CAMKMT: variants seen among roughly 807,000 people sequenced by gnomAD.
The protein encoded by CAMKMT is calmodulin-lysine N-methyltransferase, also known as CaM KMT.
Under a neutral mutation model 48.0 loss-of-function variants are expected in CAMKMT, and 53 were observed. The ratio of observed to expected loss-of-function variants is 1.10; its 90% CI spans 0.89 to 1.39. The LOEUF (loss-of-function observed/expected upper bound fraction) is 1.39, where lower values mean the gene tolerates loss of function less well. Among genes scored for constraint, CAMKMT ranks in the 40% most tolerant of loss-of-function variants. The pLI, the probability that CAMKMT is intolerant of heterozygous loss-of-function variation, is 0.00. For missense variants in CAMKMT, 428 were observed against 402.7 expected (o/e 1.06, Z -0.54); for synonymous variants, 165 against 152.3 (o/e 1.08, Z -0.61).
At chr2:44,513,483 G>A (rs188038130) in intron 3 of CAMKMT, among the ~76,000 whole-genome samples, 1 of 152,210 alleles carries the variant, frequency 6.6e-6, no homozygotes, top group Admixed American at 6.5e-5. Context: ...ACTTGTTTTT[G>A]AATTTTTATT....
intron 7 of CAMKMT, among the ~76,000 whole-genome samples, chr2:44,721,927 A>G (rs942793952): frequency 6.6e-5 from 10 of 152,212 alleles, no homozygotes; most frequent in Non-Finnish European, 1.2e-4. Context: ...TTCCAGGGCT[A>G]GGCAACCACT....
intron 3 of CAMKMT, among the ~76,000 whole-genome samples, chr2:44,583,986 C>A (rs932133966): frequency 6.6e-6 from 1 of 152,100 alleles, no homozygotes; most frequent in Non-Finnish European, 1.5e-5. Flanking sequence ...CCACACATCC[C>A]CTCATTCAAC....
intron 3 of CAMKMT, among the ~76,000 whole-genome samples, chr2:44,679,609 C>G (rs1675905089): frequency 6.6e-6 from 1 of 152,204 alleles, no homozygotes; most frequent in African/African-American, 2.4e-5. Context: ...TGCGCCATGT[C>G]AGAAAACTAA....
chr2:44,372,856 C>T lies in CAMKMT; in HGVS notation c.279C>T (p.Ser93=). The change falls in exon 2 of 11, where the codon AGC becomes AGT. Residue 93 remains serine, a synonymous_variant. Coordinates refer to ENST00000378494, the MANE Select transcript of CAMKMT (RefSeq NM_024766.5). ...TTGGTGCATGGGTCCAATATACAAG[C>T]ATCTTCTGTCCTGAATACAGTATCT... ...EEVGAWVQYT[S]IFCPEYSISL... is the part of the protein sequence containing the mutation. 6.2e-7 allele frequency: 1 copy of T among 1,613,878 alleles called. No homozygotes were observed. Among genetic ancestry groups the T allele is most frequent in the Non-Finnish European group, 8.5e-7 (1 of 1,179,870 alleles).
chr2:44,433,490 A>G (rs891157779), intron 3 of CAMKMT, among the ~76,000 whole-genome samples: 45 of 152,184 alleles, frequency 3.0e-4, no homozygotes, highest in African/African-American at 1.0e-3. Flanking sequence ...TTTTGTAGCC[A>G]GAATGTTTCT....
Position 44,661,355 on chromosome 2 carries a change from G to C in CAMKMT, c.377-42928G>C, listed in dbSNP as rs192400683. 2.3e-3 allele frequency among the ~76,000 whole-genome samples: 279 copies of C among 122,652 alleles called. 8 individuals are homozygous for C. Among genetic ancestry groups the C allele is most frequent in the Admixed American group, 0.022 (203 of 9,154 alleles). The allele number at this position is 122,652 out of a possible 152,430, so 80.5% of individuals were successfully genotyped here. On this transcript the variant is annotated intron_variant, in intron 3 of 10. Coordinates refer to ENST00000378494, the MANE Select transcript of CAMKMT (RefSeq NM_024766.5). ...TTTTGAGACGGAGTCTCGCTCAGCT[G>C]CCCAGGCTGGAGTGCAGTGGCATGA...
intron 3 of CAMKMT, chr2:44,400,791 C>T (rs923328353): frequency 6.6e-6 from 1 of 151,136 alleles, no homozygotes; most frequent in South Asian, 2.1e-4. Flanking sequence ...TTCGAGAAAG[C>T]GTATTTTTGA....
At chr2:44,418,152 A>G (rs1572825292) in intron 3 of CAMKMT, among the ~76,000 whole-genome samples, 2 of 147,784 alleles carry the variant, frequency 1.4e-5, no homozygotes, top group East Asian at 4.0e-4. Context: ...AGATCGCGCC[A>G]TTGCACTCTA....
chr2:44,594,084 T>G (rs1670498677), intron 3 of CAMKMT, among the ~76,000 whole-genome samples: 1 of 151,932 alleles, frequency 6.6e-6, no homozygotes. Context: ...GAGAATAAAA[T>G]ACCTAGGAAT....
At chr2:44,502,837 T>C (rs1572662938) in intron 3 of CAMKMT, among the ~76,000 whole-genome samples, 1 of 152,276 alleles carries the variant, frequency 6.6e-6, no homozygotes. Context: ...ATATTATAGT[T>C]CCTTTTTCTT....
intron 4 of CAMKMT, chr2:44,705,311 T>A: frequency 1.0e-6 from 1 of 984,050 alleles, no homozygotes; most frequent in Non-Finnish European, 1.2e-6. Flanking sequence ...TTTTTTCTCC[T>A]CTTGAGGTAA....
chr2:44,762,465 G>A (rs1388641626), intron 9 of CAMKMT, among the ~76,000 whole-genome samples: 1 of 152,186 alleles, frequency 6.6e-6, no homozygotes, highest in Admixed American at 6.5e-5. Context: ...CTCCCCTAAT[G>A]CATTTTATTG....
chr2:44,753,907 C>A, intron 8 of CAMKMT, 148 bp from the exon 9 acceptor site: 1 of 644,718 alleles, frequency 1.6e-6, no homozygotes, highest in Non-Finnish European at 2.8e-6. Flanking sequence ...CTCCCACCCC[C>A]TCCAGTGAGA....
rs183917337 is a variant in CAMKMT at position 44,452,376 on chromosome 2, G to A, written c.376+62071G>A. Among the ~76,000 whole-genome samples, 97 of 152,062 alleles carry A rather than the reference G, an allele frequency of 6.4e-4. 1 individual carries two copies. The highest frequency in any genetic ancestry group is 2.3e-3 in the African/African-American group (97 of 41,544). On this transcript the variant is annotated intron_variant, in intron 3 of 10. Coordinates refer to ENST00000378494, the MANE Select transcript of CAMKMT (RefSeq NM_024766.5). The stretch of plus-strand genomic sequence containing the variant: ...GAGAGAATTTTTTCCTTAAATAAAT[G>A]CAACCATTGCATTTTGGGGGTGCTT...
intron 3 of CAMKMT, among the ~76,000 whole-genome samples, chr2:44,667,261 G>T (rs909853523): frequency 3.9e-5 from 6 of 152,054 alleles, no homozygotes; most frequent in Non-Finnish European, 7.4e-5. Context: ...TTCCCATAAG[G>T]GACTATGTTG....
intron 3 of CAMKMT, among the ~76,000 whole-genome samples, chr2:44,529,541 T>C (rs1427636492): frequency 6.6e-6 from 1 of 152,198 alleles, no homozygotes; most frequent in East Asian, 1.9e-4. Flanking sequence ...ATGTTCACCT[T>C]TATACAAGAA....
intron 3 of CAMKMT, among the ~76,000 whole-genome samples, chr2:44,519,510 C>G (rs189212463): frequency 4.4e-4 from 67 of 152,304 alleles, no homozygotes; most frequent in Non-Finnish European, 4.9e-4. Flanking sequence ...ACCTCTCCCT[C>G]TCTGCCTTAG....
chr2:44,560,896 A>C (rs1002380532), intron 3 of CAMKMT, among the ~76,000 whole-genome samples: 2 of 152,210 alleles, frequency 1.3e-5, no homozygotes, highest in African/African-American at 4.8e-5. Flanking sequence ...AAGTGACTTC[A>C]TGCTGTTTTC....
At chr2:44,679,562 CG>C (rs1675901586) in intron 3 of CAMKMT, among the ~76,000 whole-genome samples, 3 of 152,258 alleles carry the variant, frequency 2.0e-5, no homozygotes, top group African/African-American at 4.8e-5. Flanking sequence ...ACCCTTGGCA[CG>C]GAAGTTCCTA....
Sources: gnomAD v4.1 joint callset for allele counts (sites outside exome capture counted in the v4.1 genomes callset) on GRCh38, gnomAD v4.1.1 for gene constraint, MANE v1.5 for transcripts, NCBI Gene and HGNC (gene_info 2026-07-23, HGNC 2026-07-21) for gene names.